Variants in TSHZ2 observed in about 807,000 individuals in gnomAD.
TSHZ2 encodes the protein teashirt homolog 2.
Under a neutral mutation model 74.4 loss-of-function variants are expected in TSHZ2, and 21 were observed. The observed-to-expected ratio is 0.28, with a 90% confidence interval of 0.20 to 0.41. The LOEUF is 0.41. TSHZ2 is among the 10% of genes least tolerant of loss of function. TSHZ2 has a pLI of 1.00. For synonymous variants in TSHZ2, 540 were observed against 515.3 expected, an observed-to-expected ratio of 1.05 and a Z score of -0.65; for missense variants, 1,244 against 1,293.5, an observed-to-expected ratio of 0.96 and a Z score of 0.59.
intron 2 of TSHZ2, among the ~76,000 whole-genome samples, chr20:53,458,064 C>G (rs1483591961): frequency 6.6e-6 from 1 of 152,076 alleles, no homozygotes; most frequent in African/African-American, 2.4e-5. Flanking sequence ...CAGAATGATG[C>G]TGGCCTCATA....
At chr20:53,215,303 AG>A (rs1349946931) in intron 1 of TSHZ2, among the ~76,000 whole-genome samples, 2 of 152,060 alleles carry the variant, frequency 1.3e-5, no homozygotes. Context: ...GTGGTTTTTA[AG>A]AGCAAAATAG....
intron 2 of TSHZ2, among the ~76,000 whole-genome samples, chr20:53,423,215 A>G (rs750068429): frequency 6.6e-6 from 1 of 152,176 alleles, no homozygotes; most frequent in African/African-American, 2.4e-5. Flanking sequence ...CCTGGCCAAC[A>G]TGGCAAAACC....
intron 2 of TSHZ2, among the ~76,000 whole-genome samples, chr20:53,435,789 A>G (rs1984033792): frequency 6.6e-6 from 1 of 152,240 alleles, no homozygotes; most frequent in Non-Finnish European, 1.5e-5. Flanking sequence ...CTGGGATTAC[A>G]GGCATGAGCC....
chr20:53,333,522 C>G (rs1391990868), intron 2 of TSHZ2, among the ~76,000 whole-genome samples: 2 of 151,702 alleles, frequency 1.3e-5, no homozygotes. Context: ...GTGGCACGAT[C>G]TCAGCTCACT....
chr20:53,268,836 C>T (rs557473859), intron 2 of TSHZ2, among the ~76,000 whole-genome samples: 4 of 152,252 alleles, frequency 2.6e-5, no homozygotes, highest in South Asian at 4.2e-4. Flanking sequence ...ATTTTTATCA[C>T]GACTGTCAGA....
At chr20:53,384,448 A>G (rs1263891431) in intron 2 of TSHZ2, among the ~76,000 whole-genome samples, 1 of 152,134 alleles carries the variant, frequency 6.6e-6, no homozygotes, top group East Asian at 1.9e-4. Flanking sequence ...TTTGGTGGGG[A>G]GAGCATCATA....
At chr20:53,386,030 C>T (rs1158025262) in intron 2 of TSHZ2, among the ~76,000 whole-genome samples, 1 of 152,200 alleles carries the variant, frequency 6.6e-6, no homozygotes, top group African/African-American at 2.4e-5. Flanking sequence ...GGCTATTCCC[C>T]CTGCCTCCAA....
At chr20:53,391,106 T>C (rs149226717) in intron 2 of TSHZ2, among the ~76,000 whole-genome samples, 159 of 150,472 alleles carry the variant, frequency 1.1e-3, no homozygotes, top group African/African-American at 3.6e-3. Flanking sequence ...ATCAACAGCA[T>C]ATACTACACT....
intron 1 of TSHZ2, among the ~76,000 whole-genome samples, chr20:53,071,894 G>C (rs948449531): frequency 2.0e-5 from 3 of 152,138 alleles, no homozygotes; most frequent in Admixed American, 6.5e-5. Context: ...TCTCAACCAG[G>C]AATGATCCTG....
intron 2 of TSHZ2, among the ~76,000 whole-genome samples, chr20:53,454,432 C>T (rs950626900): frequency 2.6e-5 from 4 of 151,976 alleles, no homozygotes; most frequent in South Asian, 2.1e-4. Context: ...CATGGTGGCA[C>T]GTGCCTGTAG....
intron 1 of TSHZ2, among the ~76,000 whole-genome samples, chr20:53,080,232 A>G (rs1185445800): frequency 6.6e-6 from 1 of 152,180 alleles, no homozygotes. Context: ...GTGCTAATCA[A>G]ACATTGTGAA....
In TSHZ2 at chr20:53,494,364, T is replaced by C. The variant is rs1274074561; in HGVS notation, c.*7229T>C. On this transcript the variant is annotated 3_prime_UTR_variant, in exon 3 of 3. Coordinates refer to ENST00000371497, the MANE Select transcript of TSHZ2 (RefSeq NM_173485.6). Reference sequence around the variant, plus strand: ...TGTGGTGCCACCATCCTGTCCTCCTTCGTAATCATGAACAATCTGATCTTG... The same window carrying C: ...TGTGGTGCCACCATCCTGTCCTCCTCCGTAATCATGAACAATCTGATCTTG... 6.6e-6 allele frequency: 1 copy of C among 151,978 alleles called. No homozygotes were observed. The highest frequency in any genetic ancestry group is 1.5e-5 in the Non-Finnish European group (1 of 68,002). The allele number at this position is 151,978 out of a possible 1,614,324, so 9.4% of individuals were successfully genotyped here.
At chr20:53,315,480 C>T (rs533512263) in intron 2 of TSHZ2, among the ~76,000 whole-genome samples, 4 of 152,276 alleles carry the variant, frequency 2.6e-5, no homozygotes, top group Non-Finnish European at 4.4e-5. Context: ...TGTGTATAGG[C>T]GTGCTTGCCT....
At chr20:53,321,615 C>T (rs901482556) in intron 2 of TSHZ2, among the ~76,000 whole-genome samples, 1 of 131,402 alleles carries the variant, frequency 7.6e-6, no homozygotes, top group South Asian at 2.5e-4. Context: ...ACCCGGGAGG[C>T]GGAGGTTGTG....
intron 2 of TSHZ2, among the ~76,000 whole-genome samples, chr20:53,312,799 T>C (rs1160298020): frequency 6.6e-6 from 1 of 152,256 alleles, no homozygotes; most frequent in African/African-American, 2.4e-5. Context: ...TTTTTGTTGA[T>C]CTGACCACAC....
intron 2 of TSHZ2, among the ~76,000 whole-genome samples, chr20:53,455,607 C>T (rs569862769): frequency 1.3e-5 from 2 of 152,102 alleles, no homozygotes; most frequent in South Asian, 4.2e-4. Flanking sequence ...TACATGTGCA[C>T]ATTGTGCAGG....
intron 1 of TSHZ2, among the ~76,000 whole-genome samples, chr20:53,053,775 C>T (rs1355745670): frequency 6.6e-6 from 1 of 152,136 alleles, no homozygotes; most frequent in Non-Finnish European, 1.5e-5. Flanking sequence ...TGCAAGGGAT[C>T]CATGCCAAAG....
chr20:52,983,751 T>C (rs1981652016), intron 1 of TSHZ2, among the ~76,000 whole-genome samples: 1 of 152,182 alleles, frequency 6.6e-6, no homozygotes, highest in Non-Finnish European at 1.5e-5. Context: ...GTGCGGTAAA[T>C]ATTGTGCATT....
intron 1 of TSHZ2, among the ~76,000 whole-genome samples, chr20:53,010,671 A>G (rs1982817416): frequency 6.6e-6 from 1 of 152,100 alleles, no homozygotes; most frequent in East Asian, 1.9e-4. Flanking sequence ...TTACTGCTGC[A>G]GTGATTACAA....
Sources: gnomAD v4.1 joint callset for allele counts (sites outside exome capture counted in the v4.1 genomes callset) on GRCh38, gnomAD v4.1.1 for gene constraint, MANE v1.5 for transcripts, NCBI Gene and HGNC (gene_info 2026-07-23, HGNC 2026-07-21) for gene names.